The following BRF1 variants were observed in gnomAD, a reference collection of about 807,000 sequenced individuals.
BRF1 encodes transcription factor IIIB 90 kDa subunit.
In BRF1, 59 loss-of-function variants were observed where a neutral mutation model predicts 81.7. The ratio of observed to expected loss-of-function variants is 0.72; its 90% confidence interval spans 0.59 to 0.90. The LOEUF is 0.90. BRF1 is among the 40% of genes least tolerant of loss of function. The pLI is 0.00. For missense variants in BRF1, 1,050 were observed against 936.3 expected (o/e 1.12, Z -1.58); for synonymous variants, 491 against 395.6 (o/e 1.24, Z -2.86).
At chr14:105,300,253 G>A (rs1380903036) in intron 1 of BRF1, among the ~76,000 whole-genome samples, 193 bp downstream of exon 1, 1 of 152,166 alleles carries the variant, frequency 6.6e-6, no homozygotes, top group Non-Finnish European at 1.5e-5. Context: ...CGCACGCCAC[G>A]GGGGTCCACA....
intron 5 of BRF1, chr14:105,247,039 T>C: frequency 1.0e-6 from 1 of 985,444 alleles, no homozygotes; most frequent in Non-Finnish European, 1.2e-6. Context: ...TGGCCATTTG[T>C]ATTTCTCCTG....
chr14:105,270,496 G>T (rs1041921641), intron 3 of BRF1, among the ~76,000 whole-genome samples: 2 of 151,212 alleles, frequency 1.3e-5, no homozygotes, highest in African/African-American at 4.8e-5. Flanking sequence ...ATGTTAAAAG[G>T]ACATTTTCAG....
chr14:105,254,289 C>T (rs1159805794), intron 4 of BRF1, among the ~76,000 whole-genome samples: 1 of 152,218 alleles, frequency 6.6e-6, no homozygotes, highest in East Asian at 1.9e-4. Flanking sequence ...CGGAGTCTTG[C>T]TCTGTCGCCC....
At chr14:105,211,808 G>A in intron 16 of BRF1, 1 of 487,730 alleles carries the variant, frequency 2.1e-6, no homozygotes, top group Non-Finnish European at 3.8e-6. Flanking sequence ...ACCTGGCAGT[G>A]CCTGCTTCCT....
At position 105,228,833 on chromosome 14, in the gene BRF1, T is replaced by C. The variant is rs769193575; in HGVS notation, c.775A>G (p.Thr259Ala). The C allele has an allele frequency of 2.5e-6, 4 of 1,613,870 alleles. No homozygotes were observed. Among genetic ancestry groups the C allele is most frequent in the Non-Finnish European group, 3.4e-6 (4 of 1,179,980 alleles). The change falls in exon 7 of 18, where the codon ACG (threonine) becomes GCG (alanine). Residue 259 changes from threonine (T) to alanine (A), a missense_variant. By Grantham distance (58) the Thr-to-Ala change is moderately conservative. Coordinates refer to ENST00000547530, the MANE Select transcript of BRF1 (RefSeq NM_001519.4). ...AGAGCCCCTCACCTCTTCCGCAGCG[T>C]GGACTCACACACTTTGACCACACTG... ...VISVVKVCES[T>A]LRKRLTEFED...
At chr14:105,308,739 C>G (rs368906221) in intron 1 of BRF1, among the ~76,000 whole-genome samples, 34 of 152,108 alleles carry the variant, frequency 2.2e-4, no homozygotes, top group African/African-American at 7.5e-4. Context: ...CCTCAGCCCC[C>G]CAAAGTGCTG....
intron 5 of BRF1, chr14:105,250,738 C>T (rs753180527): frequency 1.4e-6 from 2 of 1,476,346 alleles, no homozygotes; most frequent in South Asian, 2.6e-5. Flanking sequence ...CTAACTGCTT[C>T]TTGACACCAT....
intron 5 of BRF1, chr14:105,247,311 C>T: frequency 1.0e-6 from 1 of 985,490 alleles, no homozygotes; most frequent in Non-Finnish European, 1.2e-6. Context: ...TCTCCAGCTG[C>T]TCTGCATTCC....
At position 105,210,665 on chromosome 14, in the gene BRF1, C is replaced by T; in HGVS notation, c.1997-77G>A. The T allele has an allele frequency of 6.6e-7, 1 of 1,515,100 alleles. No individual in the cohort carries two copies. The highest frequency in any genetic ancestry group is 2.3e-5 in the East Asian group (1 of 42,968). 93.9% of individuals were successfully genotyped at this position (1,515,100 alleles called of 1,614,324 possible). A position where few individuals can be genotyped will look rare whatever the true frequency, so the allele number is the denominator to read the frequency against. On this transcript the variant is annotated intron_variant, in intron 17 of 17. Transcript: ENST00000547530. This position sits in a 1 kb window ranked among gnomAD's most constrained non-coding sequence, Gnocchi z 4.7. ...CCAGACCCCCCAACCCGCCCTGTTC[C>T]TGGTGCCCCCCTAGAAGACTCAGGC...
chr14:105,223,676 G>A (rs1024108328), intron 10 of BRF1, among the ~76,000 whole-genome samples: 3 of 152,218 alleles, frequency 2.0e-5, no homozygotes, highest in Non-Finnish European at 4.4e-5. Flanking sequence ...TGTGGACCCC[G>A]TGGGAGCCAC....
intron 6 of BRF1, among the ~76,000 whole-genome samples, chr14:105,229,497 C>G (rs587774530): frequency 2.0e-5 from 3 of 152,230 alleles, no homozygotes; most frequent in African/African-American, 7.2e-5. Flanking sequence ...CCCTGCCGAC[C>G]TGGGGCTCCA....
intron 1 of BRF1, among the ~76,000 whole-genome samples, chr14:105,313,261 G>A (rs1006532224): frequency 6.6e-6 from 1 of 152,190 alleles, no homozygotes; most frequent in Non-Finnish European, 1.5e-5. Context: ...GGGTCAATGG[G>A]TGCCTGTCTC....
intron 1 of BRF1, among the ~76,000 whole-genome samples, chr14:105,311,742 A>G (rs587707873): frequency 6.6e-6 from 1 of 152,320 alleles, no homozygotes; most frequent in South Asian, 2.1e-4. Context: ...GGGTGCAGCG[A>G]TCTCAGCGGT....
rs770141696 is a variant in BRF1, at chr14:105,219,234, T to C, written c.1378-2A>G. 1.2e-6 allele frequency: 2 copies of C among 1,611,402 alleles called. No individual in the cohort carries two copies. The highest frequency in any genetic ancestry group is 3.3e-5 in the Admixed American group (2 of 59,982). ...GGCTTCCGACTCATTCAGGATGTAC[T>C]GGGCGAGCACAGGGAAGTGGGGCTG... is the stretch of plus-strand genomic sequence containing the variant. On this transcript the variant is annotated splice_acceptor_variant, in intron 12 of 17. Coordinates refer to ENST00000547530, the MANE Select transcript of BRF1 (RefSeq NM_001519.4). LOFTEE classifies it high-confidence loss of function.
Position 105,219,916 on chromosome 14 carries a change from G to C in BRF1, c.1377+153C>G. On this transcript the variant is annotated intron_variant, in intron 12 of 17. Transcript: ENST00000547530. ...GAAGAGAGTGTGGGGGGGGGTCCCG[G>C]GAACAGTGGCCAGAAGGCCAGGAGC... 5.0e-6 allele frequency: 4 copies of C among 804,976 alleles called. No homozygotes were observed. The South Asian group carries it at 6.8e-5, about 14-fold the overall frequency. 49.9% of individuals were successfully genotyped at this position (804,976 alleles called of 1,614,324 possible).
At chr14:105,220,034 C>A in intron 12 of BRF1, 35 bp downstream of exon 12, 2 of 1,608,038 alleles carry the variant, frequency 1.2e-6, no homozygotes, top group Non-Finnish European at 1.7e-6. Flanking sequence ...CCCTCCCAAG[C>A]CCAGCCCCTC....
chr14:105,247,827 A>G, intron 5 of BRF1: 1 of 985,624 alleles, frequency 1.0e-6, no homozygotes, highest in Non-Finnish European at 1.2e-6. Flanking sequence ...GGCCCAGGCC[A>G]GGTGACACGG....
chr14:105,226,546 C>A, intron 8 of BRF1, 88 bp downstream of exon 8: 1 of 1,587,142 alleles, frequency 6.3e-7, no homozygotes, highest in Non-Finnish European at 8.6e-7. Flanking sequence ...TGGGATGGCA[C>A]CAGCTCTGCT....
intron 3 of BRF1, among the ~76,000 whole-genome samples, chr14:105,265,729 C>G (rs1480499648): frequency 6.6e-6 from 1 of 152,022 alleles, no homozygotes; most frequent in Admixed American, 6.6e-5. Flanking sequence ...AACCCCTTCT[C>G]TACTAAAAAT....
Sources: allele counts gnomAD v4.1 joint callset (sites outside exome capture counted in the v4.1 genomes callset), GRCh38; gene constraint gnomAD v4.1.1; non-coding constraint Gnocchi (gnomAD v3.1); transcripts MANE v1.5; gene names NCBI Gene and HGNC (gene_info 2026-07-23, HGNC 2026-07-21).